Variants in CUL1 observed in about 807,000 individuals in gnomAD.
CUL1 encodes the protein cullin-1.
Under a neutral mutation model 118.0 loss-of-function variants are expected in CUL1, and 24 were observed. That is an observed-to-expected ratio of 0.20 (90% CI 0.15 to 0.29). CUL1 has a LOEUF of 0.29. Ranked by LOEUF, CUL1 falls within the 10% of genes least tolerant of loss-of-function variation. The pLI is 1.00. For missense variants in CUL1, 361 were observed against 933.8 expected, an observed-to-expected ratio of 0.39 and a Z score of 7.99; for synonymous variants, 332 against 340.4, an observed-to-expected ratio of 0.98 and a Z score of 0.27.
chr7:148,774,981 C>T (rs749868390), intron 9 of CUL1, among the ~76,000 whole-genome samples: 3 of 152,108 alleles, frequency 2.0e-5, no homozygotes, highest in African/African-American at 4.8e-5. Context: ...TAGGTAGCTC[C>T]GGCAAGTTAT....
At chr7:148,767,920 T>G (rs1800058979) in intron 9 of CUL1, among the ~76,000 whole-genome samples, 171 bp downstream of exon 9, 2 of 152,250 alleles carry the variant, frequency 1.3e-5, no homozygotes, top group South Asian at 4.1e-4. Flanking sequence ...CTTTGTTTAG[T>G]AAATACCTCC....
chr7:148,778,837 A>G (rs1800514164), intron 9 of CUL1, among the ~76,000 whole-genome samples: 1 of 152,226 alleles, frequency 6.6e-6, no homozygotes. Flanking sequence ...GGACTGTCAG[A>G]TCTGTCCCCT....
In CUL1 at chr7:148,759,360, T is replaced by A. The variant is rs1799765684; in HGVS notation, c.534+6T>A. 1 of 1,613,808 alleles carries A rather than the reference T, an allele frequency of 6.2e-7. No homozygotes were observed. The highest frequency in any genetic ancestry group is 1.3e-5 in the African/African-American group (1 of 74,954). ...TCAGGCCACTGAATAAACAGGTACC[T>A]ACTGGTGTGAGCGTGTGCATGTTCC... On this transcript the variant is annotated splice_donor_region_variant and intron_variant, in intron 5 of 21. Transcript: ENST00000325222.
chr7:148,797,287 A>T (rs929648044), intron 17 of CUL1, among the ~76,000 whole-genome samples: 1 of 152,024 alleles, frequency 6.6e-6, no homozygotes, highest in Non-Finnish European at 1.5e-5. Context: ...GAGTTCCTGA[A>T]GATTTCATTG....
intron 2 of CUL1, among the ~76,000 whole-genome samples, chr7:148,753,322 G>A (rs917794352): frequency 3.3e-5 from 5 of 152,140 alleles, no homozygotes; most frequent in African/African-American, 1.2e-4. Flanking sequence ...AACAGAACAC[G>A]GTGGTTTTCT....
chr7:148,704,817 A>AT (rs569680263), intron 1 of CUL1, among the ~76,000 whole-genome samples: 43 of 145,758 alleles, frequency 3.0e-4, no homozygotes, highest in South Asian at 1.5e-3. Flanking sequence ...GTAGGTTATT[A>AT]TTTTTTTTTT....
chr7:148,767,793 A>C, intron 9 of CUL1, 44 bp downstream of exon 9: 1 of 1,595,954 alleles, frequency 6.3e-7, no homozygotes, highest in Non-Finnish European at 8.6e-7. Context: ...GATTATTTCC[A>C]CATGCGAACT....
chr7:148,719,928 T>C (rs886507272), intron 1 of CUL1, among the ~76,000 whole-genome samples: 3 of 152,218 alleles, frequency 2.0e-5, no homozygotes, highest in African/African-American at 7.2e-5. Context: ...TCCTACCTTC[T>C]AAGGAAGCAG....
chr7:148,778,096 A>AAAAAAAAAAAAAAAAAAAAAAAC, intron 9 of CUL1, among the ~76,000 whole-genome samples: 1 of 59,306 alleles, frequency 1.7e-5, no homozygotes. Context: ...AAAAAAAAAA[A>AAAAAAAAAAAAAAAAAAAAAAAC]AGAAGAAGAA....
At chr7:148,796,627 G>A (rs372719167) in intron 17 of CUL1, among the ~76,000 whole-genome samples, 5 of 152,134 alleles carry the variant, frequency 3.3e-5, no homozygotes, top group South Asian at 2.1e-4. Flanking sequence ...CTGTGCAGAC[G>A]GGTCCTGAGG....
chr7:148,728,298 A>G (rs976371818), intron 1 of CUL1, among the ~76,000 whole-genome samples: 2 of 152,154 alleles, frequency 1.3e-5, no homozygotes, highest in Non-Finnish European at 2.9e-5. Flanking sequence ...AGAAATTATA[A>G]GAGAAGGAAA....
In CUL1 at chr7:148,786,744, G is replaced by C. The variant is rs914490877; in HGVS notation, c.1347+145G>C. 3.9e-5 allele frequency: 32 copies of C among 829,558 alleles called. No homozygotes were observed. In the African/African-American group the frequency reaches 4.8e-4, roughly 13 times the overall value. The allele number at this position is 829,558 out of a possible 1,614,324, so 51.4% of individuals were successfully genotyped here. ...TCTCTGGTTTTACTTCCTAAATTGA[G>C]TTACTACTTTTAGCATTCATACTTT... On this transcript the variant is annotated intron_variant, in intron 12 of 21. Transcript: ENST00000325222.
chr7:148,762,144 C>G (rs898113734), intron 7 of CUL1, among the ~76,000 whole-genome samples: 4 of 152,180 alleles, frequency 2.6e-5, no homozygotes, highest in Admixed American at 1.3e-4. Context: ...TCTTTCCAAG[C>G]CTGACACCTG....
intron 9 of CUL1, among the ~76,000 whole-genome samples, chr7:148,779,592 A>G (rs1349949896): frequency 1.3e-5 from 2 of 152,202 alleles, no homozygotes; most frequent in Non-Finnish European, 2.9e-5. Flanking sequence ...AAACCTTGAA[A>G]GCTGTATTGA....
intron 9 of CUL1, among the ~76,000 whole-genome samples, chr7:148,782,376 A>C (rs1459227162): frequency 2.6e-5 from 4 of 152,262 alleles, no homozygotes; most frequent in African/African-American, 7.2e-5. Context: ...CGTCTGGGAT[A>C]GCCATGAAAC....
chr7:148,760,470 A>G lies in CUL1; in HGVS notation c.763A>G (p.Asn255Asp). ...AGAGAGTACTGAATTCTTGCAGCAG[A>G]ACCCAGTTACTGAATATATGAAAAA... The part of the protein sequence containing the change: ...TRESTEFLQQ[N>D]PVTEYMKKAE... The change falls in exon 7 of 22, where the codon AAC (asparagine) becomes GAC (aspartate). Residue 255 changes from asparagine (N) to aspartate (D), a missense_variant. Asn to Asp is a conservative substitution (Grantham distance 23). Coordinates refer to ENST00000325222, the MANE Select transcript of CUL1 (RefSeq NM_003592.3). 3 of 1,611,046 alleles carry G rather than the reference A, an allele frequency of 1.9e-6. No homozygotes were observed. Among genetic ancestry groups the G allele is most frequent in the Non-Finnish European group, 2.5e-6 (3 of 1,179,006 alleles).
intron 1 of CUL1, among the ~76,000 whole-genome samples, chr7:148,725,205 A>G (rs1206565895): frequency 9.6e-6 from 1 of 104,682 alleles, no homozygotes; most frequent in Admixed American, 9.5e-5. Context: ...GTGTACACAC[A>G]CACACACGCG....
At chr7:148,782,928 G>A (rs1159187191) in intron 9 of CUL1, among the ~76,000 whole-genome samples, 1 of 151,508 alleles carries the variant, frequency 6.6e-6, no homozygotes, top group Admixed American at 6.6e-5. Context: ...CTCGCAGCCC[G>A]GAGCCAAGCC....
intron 1 of CUL1, among the ~76,000 whole-genome samples, chr7:148,704,975 G>A (rs79126349): frequency 1.9e-4 from 29 of 152,328 alleles, no homozygotes; most frequent in Admixed American, 1.2e-3. Context: ...AGTGTTTGCC[G>A]TACTGGCAGC....
Sources: allele counts gnomAD v4.1 joint callset (sites outside exome capture counted in the v4.1 genomes callset), GRCh38; gene constraint gnomAD v4.1.1; transcripts MANE v1.5; gene names NCBI Gene and HGNC (gene_info 2026-07-23, HGNC 2026-07-21).